The following DCBLD2 variants were observed in gnomAD, a reference collection of about 807,000 sequenced individuals.
DCBLD2 encodes the protein discoidin, CUB and LCCL domain containing 2.
Under a neutral mutation model 86.8 loss-of-function variants are expected in DCBLD2, and 54 were observed. The observed-to-expected ratio is 0.62, with a 90% confidence interval of 0.50 to 0.78. DCBLD2 has a LOEUF of 0.78. DCBLD2 is among the 30% of genes least tolerant of loss of function. The pLI, the probability that DCBLD2 is intolerant of heterozygous loss-of-function variation, is 0.00. For synonymous variants in DCBLD2, 354 were observed against 341.3 expected (o/e 1.04, Z -0.41); for missense variants, 908 against 954.2 (o/e 0.95, Z 0.64).
In DCBLD2 at chr3:98,870,736, A is replaced by AAAGAAAGAAAG. The variant is rs1553731613; in HGVS notation, c.433+10803_433+10804insCTTTCTTTCTT. Among the ~76,000 whole-genome samples, 11 of 84,614 alleles carry AAAGAAAGAAAG rather than the reference A, an allele frequency of 1.3e-4. 2 individuals are homozygous for AAAGAAAGAAAG. Among genetic ancestry groups the AAAGAAAGAAAG allele is most frequent in the African/African-American group, 4.4e-4 (9 of 20,460 alleles). The allele number at this position is 84,614 out of a possible 152,430, so 55.5% of individuals were successfully genotyped here. A position where few individuals can be genotyped will look rare whatever the true frequency, so the allele number is the denominator to read the frequency against. ...AAAGAAAAAGGAAAAGAAAAGAAAG[A>AAAGAAAGAAAG]AAAAGAAAGAAAGAAAGAAAGAAAG... On this transcript the variant is annotated intron_variant, in intron 2 of 15. Transcript: ENST00000326840.
At chr3:98,832,222 T>C (rs1942336601) in intron 3 of DCBLD2, among the ~76,000 whole-genome samples, 1 of 152,188 alleles carries the variant, frequency 6.6e-6, no homozygotes, top group Non-Finnish European at 1.5e-5. Context: ...GCTTTGTTCG[T>C]TTAAAGTCTG....
chr3:98,901,057 G>C (rs1195780602), intron 1 of DCBLD2, 65 bp downstream of exon 1: 2 of 1,534,264 alleles, frequency 1.3e-6, no homozygotes, highest in Non-Finnish European at 1.7e-6. Flanking sequence ...GATTTGTTCA[G>C]GGGCCAAGAG....
intron 1 of DCBLD2, among the ~76,000 whole-genome samples, chr3:98,883,925 A>G (rs1488966953): frequency 1.3e-5 from 2 of 152,156 alleles, no homozygotes; most frequent in Non-Finnish European, 1.5e-5. Flanking sequence ...AAAGCCTATG[A>G]ATAAGAATTT....
chr3:98,837,320 C>T (rs1183545551), intron 3 of DCBLD2, among the ~76,000 whole-genome samples: 1 of 6,678 alleles, frequency 1.5e-4, no homozygotes, highest in African/African-American at 2.6e-4. Context: ...CCCTCCCGGA[C>T]GGGGCGGCTG....
intron 3 of DCBLD2, among the ~76,000 whole-genome samples, chr3:98,840,762 G>A (rs1396150231): frequency 6.6e-6 from 1 of 152,208 alleles, no homozygotes; most frequent in African/African-American, 2.4e-5. Context: ...AAACTGTTGA[G>A]AAGACATATG....
intron 10 of DCBLD2, 111 bp downstream of exon 10, chr3:98,812,221 G>C (rs1941951756): frequency 1.4e-6 from 2 of 1,389,438 alleles, no homozygotes; most frequent in Non-Finnish European, 2.0e-6. Flanking sequence ...ATTGTAATTA[G>C]AGTTTAACCA....
rs115330244 is a variant in DCBLD2 at position 98,801,605 on chromosome 3, C to G, written c.1715G>C (p.Arg572Pro). Residue 572 changes from arginine (R) to proline (P), a missense_variant, in exon 14 of 16, where the codon CGG becomes CCG. Arg to Pro is a moderately radical substitution (Grantham distance 103, BLOSUM62 -2). This residue lies in a region of DCBLD2 where 606 missense variants were observed against 678.5 expected (regional missense o/e 0.89). Coordinates refer to ENST00000326840, the MANE Select transcript of DCBLD2 (RefSeq NM_080927.4). The part of the protein sequence containing the change: ...EGTYDLPYWD[R>P]AGWWKGMKQF... ...GCAAAGACCACGTGAGTTACCTGCCCGGTCCCAGTAAGGTAAGTCATAGGT... is the reference window on the plus strand; with the variant it reads ...GCAAAGACCACGTGAGTTACCTGCCGGGTCCCAGTAAGGTAAGTCATAGGT... 3.3e-5 allele frequency: 53 copies of G among 1,609,600 alleles called. No homozygotes were observed. The highest frequency in any genetic ancestry group is 4.4e-5 in the Non-Finnish European group (52 of 1,177,656).
chr3:98,825,643 TTATATATA>T (rs56736194), intron 3 of DCBLD2, among the ~76,000 whole-genome samples: 13,906 of 115,004 alleles, frequency 0.12, 1,162 homozygotes, highest in Non-Finnish European at 0.17. Flanking sequence ...ATATGTGTAT[TTATATATA>T]TATATATATA....
chr3:98,842,560 GACACTAAACCTT>G (rs1942640108), intron 3 of DCBLD2, among the ~76,000 whole-genome samples: 1 of 152,126 alleles, frequency 6.6e-6, no homozygotes, highest in Non-Finnish European at 1.5e-5. Flanking sequence ...ACTGAGAGTG[GACACTAAACCTT>G]ATGTTTCTCT....
At chr3:98,877,767 G>A (rs2454682) in intron 2 of DCBLD2, among the ~76,000 whole-genome samples, 55,526 of 151,984 alleles carry the variant, frequency 0.37, 10,247 homozygotes, top group Middle Eastern at 0.38. Flanking sequence ...CAGGGCTGGA[G>A]CAGGGCAATC....
At position 98,849,573 on chromosome 3, in the gene DCBLD2, T is replaced by C. The variant is rs1040097219; in HGVS notation, c.459A>G (p.Gln153=). The change falls in exon 3 of 16, where the codon CAA becomes CAG. Residue 153 remains glutamine, a synonymous_variant. Coordinates refer to ENST00000326840, the MANE Select transcript of DCBLD2 (RefSeq NM_080927.4). ...EIGKYCGLGL[Q]MNHSIESKGN... is the part of the protein sequence containing the mutation. Reference sequence around the variant, plus strand: ...CTTTTGATTCAATTGAATGGTTCATTTGCAACCCCAGACCACAGTATTTGC... The same window carrying C: ...CTTTTGATTCAATTGAATGGTTCATCTGCAACCCCAGACCACAGTATTTGC... The C allele has an allele frequency of 3.1e-6, 5 of 1,613,198 alleles. No homozygotes were observed. The highest frequency in any genetic ancestry group is 4.2e-6 in the Non-Finnish European group (5 of 1,179,342).
intron 2 of DCBLD2, among the ~76,000 whole-genome samples, chr3:98,855,797 T>G (rs934914418): frequency 6.6e-6 from 1 of 152,230 alleles, no homozygotes; most frequent in Non-Finnish European, 1.5e-5. Flanking sequence ...CAAGTGGGCT[T>G]TCCTTCTCTC....
chr3:98,861,458 T>C (rs1005599594), intron 2 of DCBLD2, among the ~76,000 whole-genome samples: 66 of 136,882 alleles, frequency 4.8e-4, no homozygotes, highest in Non-Finnish European at 7.9e-4. Flanking sequence ...TATTCCAAAA[T>C]TGACCACATA....
In DCBLD2 at chr3:98,797,458, T is replaced by G. The variant is rs1318734257; in HGVS notation, c.*1914A>C. 1.3e-5 allele frequency: 2 copies of G among 152,620 alleles called. No homozygotes were observed. The highest frequency in any genetic ancestry group is 3.8e-4 in the East Asian group (2 of 5,208). The allele number at this position is 152,620 out of a possible 1,614,324, so 9.5% of individuals were successfully genotyped here. A position where few individuals can be genotyped will look rare whatever the true frequency, so the allele number is the denominator to read the frequency against. On this transcript the variant is annotated 3_prime_UTR_variant, in exon 16 of 16. Transcript: ENST00000326840. Reference sequence around the variant, plus strand: ...GAGGAAAAGTATATTCTCTGTGTACTAAGGATGAATTAAAAAATCAACTGG... The same window carrying G: ...GAGGAAAAGTATATTCTCTGTGTACGAAGGATGAATTAAAAAATCAACTGG...
At chr3:98,840,318 G>A (rs76311491) in intron 3 of DCBLD2, among the ~76,000 whole-genome samples, 1 of 152,166 alleles carries the variant, frequency 6.6e-6, no homozygotes, top group Non-Finnish European at 1.5e-5. Context: ...TATGAAGCTT[G>A]AGAAAAAGAG....
At chr3:98,884,935 T>C (rs1943534445) in intron 1 of DCBLD2, among the ~76,000 whole-genome samples, 1 of 152,120 alleles carries the variant, frequency 6.6e-6, no homozygotes, top group African/African-American at 2.4e-5. Flanking sequence ...ACGCAGAGTG[T>C]TAGGAGTAAT....
chr3:98,833,121 C>T (rs528589139), intron 3 of DCBLD2, among the ~76,000 whole-genome samples: 1 of 152,200 alleles, frequency 6.6e-6, no homozygotes, highest in South Asian at 2.1e-4. Context: ...AGGTTTTATT[C>T]ATTCCTTTTC....
intron 3 of DCBLD2, among the ~76,000 whole-genome samples, chr3:98,839,153 T>TTATTTC (rs1942564741): frequency 9.1e-6 from 1 of 109,444 alleles, no homozygotes; most frequent in Non-Finnish European, 1.9e-5. Context: ...CCTTCTTTCT[T>TTATTTC]TCTTTCTTTC....
Position 98,881,851 on chromosome 3 carries a change from T to C in DCBLD2, c.206-84A>G, listed in dbSNP as rs1466690715. On this transcript the variant is annotated intron_variant, in intron 1 of 15. Transcript: ENST00000326840. The stretch of plus-strand genomic sequence containing the variant: ...TGATTTTTTTGTGAAGATTTAAAAA[T>C]ATGCACGACATCAAATATTTTATAC... The C allele has an allele frequency of 4.2e-5, 55 of 1,323,272 alleles. 2 individuals are homozygous for C. The South Asian group carries it at 6.2e-4, about 15-fold the overall frequency. 82.0% of individuals were successfully genotyped at this position (1,323,272 alleles called of 1,614,324 possible).
Sources: allele counts gnomAD v4.1 joint callset (sites outside exome capture counted in the v4.1 genomes callset), GRCh38; gene constraint gnomAD v4.1.1; regional missense constraint gnomAD v4.1.1; transcripts MANE v1.5; gene names NCBI Gene and HGNC (gene_info 2026-07-23, HGNC 2026-07-21).